SAP130: variants seen among roughly 807,000 people sequenced by gnomAD.
SAP130 encodes Sin3A associated protein 130.
Under a neutral mutation model 103.2 loss-of-function variants are expected in SAP130, and 16 were observed. The ratio of observed to expected loss-of-function variants is 0.16; its 90% CI spans 0.10 to 0.24. SAP130 has a LOEUF of 0.24. SAP130 is among the 10% of genes least tolerant of loss of function. SAP130 has a pLI of 1.00. For synonymous variants in SAP130, 477 were observed against 497.0 expected (o/e 0.96, Z 0.53); for missense variants, 990 against 1,359.7 (o/e 0.73, Z 4.28).
At position 127,949,967 on chromosome 2, in the gene SAP130, A is replaced by G. The variant is rs1231223718; in HGVS notation, c.2699T>C (p.Val900Ala). The change falls in exon 18 of 21, where the codon GTG (valine) becomes GCG (alanine). Residue 900 changes from valine to alanine, a missense_variant. By Grantham distance (64) the Val-to-Ala change is moderately conservative. Around this residue, in one of 6 missense-constraint regions of SAP130, gnomAD observed 61 missense variants for 73.8 expected, o/e 0.83. Coordinates refer to ENST00000643581, the MANE Select transcript of SAP130 (RefSeq NM_001330301.2). ...CAAAGTAATGGGGGGTCTTGGACGC[A>G]CTGGGACATATCTCACACCTTCCTC... ...IDEEGVRYVP[V>A]RPRPPITLLR... The G allele has an allele frequency of 1.9e-6, 3 of 1,614,198 alleles. No individual in the cohort carries two copies. The highest frequency in any genetic ancestry group is 1.6e-4 in the Middle Eastern group (1 of 6,062).
rs1559080610 is a variant in SAP130, at chr2:127,996,452, C to T, written c.1253G>A (p.Arg418Gln). Reference protein sequence around the residue: ...VPQQITHTSPRIQPDYPAERS... With the variant: ...VPQQITHTSPQIQPDYPAERS... ...CTCGGCAGGGTAGTCTGGCTGGATC[C>T]GAGGAGAAGTGTGCGTGATCTGCTG... Residue 418 changes from arginine (R) to glutamine (Q), a missense_variant, in exon 11 of 21, where the codon CGG (arginine) becomes CAG (glutamine). By Grantham distance (43) the Arg-to-Gln change is conservative. Transcript: ENST00000643581. The surrounding 1 kb of genome is among the most constrained non-coding windows in gnomAD (Gnocchi z 4.3). The T allele has an allele frequency of 1.9e-6, 3 of 1,601,732 alleles. No individual in the cohort carries two copies. Among genetic ancestry groups the T allele is most frequent in the Non-Finnish European group, 1.7e-6 (2 of 1,173,904 alleles).
chr2:128,027,865 AC>A lies in SAP130; in HGVS notation c.-7+74del. On this transcript the variant is annotated intron_variant, in intron 1 of 20. Coordinates refer to ENST00000643581, the MANE Select transcript of SAP130 (RefSeq NM_001330301.2). ...TCCCCGGGGACGCGCAACGGGACGG[AC>A]GCTGCAGCCCGGCTCAGCCGCCCCG... 4.4e-6 allele frequency: 4 copies of A among 912,134 alleles called. No individual in the cohort carries two copies. The South Asian group carries it at 2.0e-4, about 46-fold the overall frequency. 56.5% of individuals were successfully genotyped at this position (912,134 alleles called of 1,614,324 possible). A position where few individuals can be genotyped will look rare whatever the true frequency, so the allele number is the denominator to read the frequency against.
chr2:127,952,479 ACAT>A (rs1679561089), intron 16 of SAP130, among the ~76,000 whole-genome samples: 2 of 151,614 alleles, frequency 1.3e-5, no homozygotes, highest in African/African-American at 4.9e-5. Context: ...AATCTTCTTG[ACAT>A]CATGTCACTT....
Position 127,999,853 on chromosome 2 carries a change from A to G in SAP130, c.1109-8T>C. 6.6e-7 allele frequency: 1 copy of G among 1,517,920 alleles called. No homozygotes were observed. The highest frequency in any genetic ancestry group is 8.8e-7 in the Non-Finnish European group (1 of 1,131,406). 94.0% of individuals were successfully genotyped at this position (1,517,920 alleles called of 1,614,324 possible). ...GCGTGTGTGACACAGATCCTGAAAT[A>G]GGGGAAAAAAGGAAATTCTTTAACA... is the stretch of plus-strand genomic sequence containing the variant. On this transcript the variant is annotated splice_polypyrimidine_tract_variant and splice_region_variant and intron_variant, in intron 9 of 20. Coordinates refer to ENST00000643581, the MANE Select transcript of SAP130 (RefSeq NM_001330301.2).
At chr2:128,021,113 T>C (rs369496835) in intron 2 of SAP130, among the ~76,000 whole-genome samples, 9 of 152,176 alleles carry the variant, frequency 5.9e-5, no homozygotes, top group East Asian at 5.8e-4. Flanking sequence ...TGTCCAATGA[T>C]CTCTTCAGGA....
Position 127,949,950 on chromosome 2 carries a change from T to A in SAP130, c.2716A>T (p.Ile906Phe). 1.2e-6 allele frequency: 2 copies of A among 1,614,046 alleles called. No individual in the cohort carries two copies. The highest frequency in any genetic ancestry group is 1.7e-6 in the Non-Finnish European group (2 of 1,180,004). Residue 906 changes from isoleucine to phenylalanine, a missense_variant, in exon 18 of 21, where the codon ATT (isoleucine) becomes TTT (phenylalanine). Physicochemically the swap from Ile to Phe is conservative, Grantham distance 21 (BLOSUM62 0). Transcript: ENST00000643581. ...RYVPVRPRPPITLLRHYRNPW... is the reference protein window; with the variant it reads ...RYVPVRPRPPFTLLRHYRNPW... ...TTCCGATAGTGACGAAGCAAAGTAA[T>A]GGGGGGTCTTGGACGCACTGGGACA...
chr2:128,016,557 G>T lies in SAP130; in HGVS notation c.349-10C>A. 1.2e-6 allele frequency: 2 copies of T among 1,607,330 alleles called. No individual in the cohort carries two copies. The highest frequency in any genetic ancestry group is 2.2e-5 in the South Asian group (2 of 90,160). ...TGGGCTTCGGGGGCGGCTGCAAACA[G>T]AAAACCACACAAAACATATCAATGG... On this transcript the variant is annotated splice_polypyrimidine_tract_variant and intron_variant, in intron 3 of 20. Transcript: ENST00000643581.
intron 15 of SAP130, among the ~76,000 whole-genome samples, chr2:127,969,421 C>T (rs554252737): frequency 3.1e-4 from 47 of 152,256 alleles, no homozygotes; most frequent in African/African-American, 1.1e-3. Flanking sequence ...TCATTCTGAC[C>T]TTCCTGAATC....
chr2:127,994,492 T>C (rs1487327411), intron 11 of SAP130, among the ~76,000 whole-genome samples: 1 of 152,204 alleles, frequency 6.6e-6, no homozygotes, highest in Non-Finnish European at 1.5e-5. Context: ...CTCAGGAGGC[T>C]GAGGTATGAG....
chr2:128,019,775 T>C (rs1685027404), intron 2 of SAP130, among the ~76,000 whole-genome samples: 1 of 151,710 alleles, frequency 6.6e-6, no homozygotes, highest in African/African-American at 2.4e-5. Flanking sequence ...TAATCCCAGA[T>C]ACTCAGGAGG....
intron 15 of SAP130, among the ~76,000 whole-genome samples, chr2:127,957,219 T>C (rs1679903633): frequency 6.6e-6 from 1 of 152,104 alleles, no homozygotes; most frequent in Non-Finnish European, 1.5e-5. Flanking sequence ...GGAGAATTAC[T>C]AGTGCCCAGG....
Position 127,996,310 on chromosome 2 carries a change from T to C in SAP130, c.1355+40A>G, listed in dbSNP as rs765743008. The C allele has an allele frequency of 1.3e-6, 2 of 1,516,992 alleles. No homozygotes were observed. Among genetic ancestry groups the C allele is most frequent in the Admixed American group, 2.1e-5 (1 of 48,070 alleles). The allele number at this position is 1,516,992 out of a possible 1,614,324, so 94.0% of individuals were successfully genotyped here. On this transcript the variant is annotated intron_variant, in intron 11 of 20. Transcript: ENST00000643581. This position sits in a 1 kb window ranked among gnomAD's most constrained non-coding sequence, Gnocchi z 4.3. ...TATGCTGATAAAGCAGAACGATTAATGACACAGTGAGGCAGAATAACTGAC... is the reference window on the plus strand; with the variant it reads ...TATGCTGATAAAGCAGAACGATTAACGACACAGTGAGGCAGAATAACTGAC...
In SAP130 at chr2:127,955,136, G is replaced by T. The variant is rs1398476729; in HGVS notation, c.2272C>A (p.Pro758Thr). The T allele has an allele frequency of 6.2e-7, 1 of 1,614,040 alleles. No individual in the cohort carries two copies. The highest frequency in any genetic ancestry group is 8.5e-7 in the Non-Finnish European group (1 of 1,180,034). The change falls in exon 16 of 21, where the codon CCC becomes ACC. Residue 758 changes from proline to threonine, a missense_variant. By Grantham distance (38) the Pro-to-Thr change is conservative. Transcript: ENST00000643581. The surrounding 1 kb of genome is among the most constrained non-coding windows in gnomAD (Gnocchi z 4.9). ...VALSTIPGAV[P>T]ITPPITTIAA... ...ATGGTGGTGATGGGTGGAGTGATGGGGACCGCTCCAGGAATGGTTGAAAGG... is the reference window on the plus strand; with the variant it reads ...ATGGTGGTGATGGGTGGAGTGATGGTGACCGCTCCAGGAATGGTTGAAAGG...
chr2:127,972,794 C>A (rs1681184327), intron 15 of SAP130, among the ~76,000 whole-genome samples: 1 of 151,892 alleles, frequency 6.6e-6, no homozygotes, highest in East Asian at 1.9e-4. Context: ...AATAGCTGGG[C>A]ATAATGATGA....
intron 15 of SAP130, among the ~76,000 whole-genome samples, chr2:127,957,011 A>G (rs546200805): frequency 6.6e-6 from 1 of 152,350 alleles, no homozygotes; most frequent in East Asian, 1.9e-4. Context: ...AGAAATGAAA[A>G]TATTGAGTTG....
intron 12 of SAP130, among the ~76,000 whole-genome samples, chr2:127,991,480 C>T (rs1195572694): frequency 6.6e-6 from 1 of 151,798 alleles, no homozygotes; most frequent in Admixed American, 6.6e-5. Flanking sequence ...GCTGGGACTA[C>T]AGCACGCACC....
intron 5 of SAP130, 34 bp from the exon 6 acceptor site, chr2:128,013,188 T>C: frequency 6.4e-7 from 1 of 1,561,376 alleles, no homozygotes; most frequent in Non-Finnish European, 8.6e-7. Context: ...ATATTTATTC[T>C]AGTTATATTC....
chr2:128,000,241 C>A (rs1683458409), intron 8 of SAP130, 66 bp downstream of exon 8: 2 of 1,608,996 alleles, frequency 1.2e-6, no homozygotes, highest in Non-Finnish European at 1.7e-6. Flanking sequence ...AGGCCCTCAG[C>A]ACATTTTGCC....
At position 127,942,173 on chromosome 2, in the gene SAP130, G is replaced by C; in HGVS notation, c.3016-9C>G. 1 of 1,582,836 alleles carries C rather than the reference G, an allele frequency of 6.3e-7. No individual in the cohort carries two copies. Among genetic ancestry groups the C allele is most frequent in the Non-Finnish European group, 8.5e-7 (1 of 1,169,942 alleles). On this transcript the variant is annotated splice_polypyrimidine_tract_variant and intron_variant, in intron 20 of 20. Transcript: ENST00000643581. The surrounding 1 kb of genome is among the most constrained non-coding windows in gnomAD (Gnocchi z 4.8). ...CACCTCTGCATATTTCCCTGAAACA[G>C]AAGACATTGCATCATCAATCAGTGA...
Sources: allele counts gnomAD v4.1 joint callset (sites outside exome capture counted in the v4.1 genomes callset), GRCh38; gene constraint gnomAD v4.1.1; regional missense constraint gnomAD v4.1.1; non-coding constraint Gnocchi (gnomAD v3.1); transcripts MANE v1.5; gene names NCBI Gene and HGNC (gene_info 2026-07-23, HGNC 2026-07-21).